NOTCH2NLB: variants seen among roughly 807,000 people sequenced by gnomAD.
NOTCH2NLB encodes notch homolog 2 N-terminal-like protein B.
In NOTCH2NLB, 1 loss-of-function variant was observed where a neutral mutation model predicts 14.8. The observed-to-expected ratio is 0.07, with a 90% CI of 0.02 to 0.32. NOTCH2NLB has a LOEUF of 0.32. NOTCH2NLB is among the 10% of genes least tolerant of loss of function. NOTCH2NLB has a pLI of 1.00. For synonymous variants in NOTCH2NLB, 6 were observed against 57.5 expected (o/e 0.10, Z 4.05); for missense variants, 11 against 155.0 (o/e 0.07, Z 4.93).
rs1197455322 is a variant in NOTCH2NLB, at chr1:148,649,703, A to G, written c.4-9614T>C. The stretch of plus-strand genomic sequence containing the variant: ...TTTTTTTTGTATTTTTAGTAGAGAC[A>G]GGGTTTCACCGTGTTAGCCAGGATG... On this transcript the variant is annotated intron_variant, in intron 1 of 4. Transcript: ENST00000593495. Among the ~76,000 whole-genome samples, 12 of 148,592 alleles carry G rather than the reference A, an allele frequency of 8.1e-5. No homozygotes were observed. The East Asian group carries it at 2.0e-3, about 25-fold the overall frequency.
chr1:148,684,959 C>A, the NOTCH2NLB span, among the ~76,000 whole-genome samples: 42 of 136,218 alleles, frequency 3.1e-4, no homozygotes, highest in African/African-American at 1.0e-3. Context: ...AGAAATTTCA[C>A]ATCTTCTGCT....
At chr1:148,661,605 C>G (rs1418211978) in intron 1 of NOTCH2NLB, among the ~76,000 whole-genome samples, 1 of 149,996 alleles carries the variant, frequency 6.7e-6, no homozygotes, top group East Asian at 1.9e-4. Flanking sequence ...AAGCTCTTCT[C>G]AGGATGGTGG....
At chr1:148,645,763 C>T (rs1483393254) in intron 1 of NOTCH2NLB, among the ~76,000 whole-genome samples, 16,854 of 147,664 alleles carry the variant, frequency 0.11, 471 homozygotes, top group African/African-American at 0.26. Context: ...ACAGGGCCAC[C>T]CCCCCACCCA....
In NOTCH2NLB at chr1:148,638,517, T is replaced by C. The variant is rs1445451612; in HGVS notation, c.77+1499A>G. ...AGGTATTAAGTTCCCTCCCTTATTA[T>C]CTCCAGTTGTATCTCCATTCTTAGA... On this transcript the variant is annotated intron_variant, in intron 2 of 4. Coordinates refer to ENST00000593495, the Ensembl canonical transcript of NOTCH2NLB. 1.3e-5 allele frequency among the ~76,000 whole-genome samples: 2 copies of C among 149,044 alleles called. 1 individual carries two copies. The highest frequency in any genetic ancestry group is 3.0e-5 in the Non-Finnish European group (2 of 67,234).
chr1:148,670,539 A>ATATATATATATACAC (rs1553341886), intron 1 of NOTCH2NLB, among the ~76,000 whole-genome samples: 1 of 93,482 alleles, frequency 1.1e-5, no homozygotes, highest in African/African-American at 4.3e-5. Flanking sequence ...TAAAAAAAAA[A>ATATATATATATACAC]ATATATATAT....
At chr1:148,704,407 G>A in the NOTCH2NLB span, among the ~76,000 whole-genome samples, 3 of 23,682 alleles carry the variant, frequency 1.3e-4, 1 homozygote, top group Non-Finnish European at 2.0e-4. Context: ...AGCACAGGTC[G>A]GCCAAAAGTT....
At chr1:148,637,482 C>T (rs1664231941) in intron 2 of NOTCH2NLB, among the ~76,000 whole-genome samples, 1 of 143,468 alleles carries the variant, frequency 7.0e-6, no homozygotes. Context: ...TGAAATTCTC[C>T]ATATATAAGT....
At chr1:148,637,507 A>T (rs1465959816) in intron 2 of NOTCH2NLB, among the ~76,000 whole-genome samples, 1 of 145,924 alleles carries the variant, frequency 6.9e-6, no homozygotes, top group Non-Finnish European at 1.5e-5. Context: ...AAGTTGAATG[A>T]TCTTCAAATA....
At chr1:148,712,427 C>T in the NOTCH2NLB span, among the ~76,000 whole-genome samples, 133 of 152,270 alleles carry the variant, frequency 8.7e-4, no homozygotes, top group South Asian at 0.015. Flanking sequence ...CAGCAACTTA[C>T]CAGCTGCATT....
chr1:148,645,717 C>T lies in NOTCH2NLB; in HGVS notation c.4-5628G>A, dbSNP rs1438396300. On this transcript the variant is annotated intron_variant, in intron 1 of 4. Coordinates refer to ENST00000593495, the Ensembl canonical transcript of NOTCH2NLB. ...TCAAGGCCCAGTTCACCTCTTGCCT[C>T]ACCCAGAAAGCTTCCCCTGGAGGGT... 2.7e-5 allele frequency among the ~76,000 whole-genome samples: 4 copies of T among 150,440 alleles called. No individual in the cohort carries two copies. The East Asian group carries it at 7.7e-4, about 29-fold the overall frequency.
the NOTCH2NLB span, among the ~76,000 whole-genome samples, chr1:148,708,072 TA>T: frequency 1.6e-5 from 1 of 64,460 alleles, no homozygotes; most frequent in African/African-American, 7.4e-5. Flanking sequence ...AAGAGGCAAC[TA>T]TATATATATA....
the NOTCH2NLB span, among the ~76,000 whole-genome samples, chr1:148,701,251 G>A: frequency 8.5e-6 from 1 of 117,918 alleles, no homozygotes; most frequent in Non-Finnish European, 1.8e-5. Context: ...GCCCTAATTA[G>A]ATAAAGCTAT....
chr1:148,673,718 C>T (rs1664797021), intron 1 of NOTCH2NLB, among the ~76,000 whole-genome samples: 1 of 151,402 alleles, frequency 6.6e-6, no homozygotes, highest in Admixed American at 6.6e-5. Context: ...AAGTGGCCAG[C>T]AAGTAGGAGG....
At chr1:148,627,723 CT>C (rs1223322172) in intron 2 of NOTCH2NLB, among the ~76,000 whole-genome samples, 1 of 151,456 alleles carries the variant, frequency 6.6e-6, no homozygotes, top group African/African-American at 2.4e-5. Flanking sequence ...TTGACACCCC[CT>C]CTGTTCTTAT....
Position 148,621,759 on chromosome 1 carries a change from T to C in NOTCH2NLB, c.78-5809A>G. ...CTTCAAGAATCTGAAGATAGTTATG[T>C]GGGCCTTTTGTTTTCTTTTTTCCAG... On this transcript the variant is annotated intron_variant, in intron 2 of 4. Transcript: ENST00000593495. Among the ~76,000 whole-genome samples, 2 of 104,770 alleles carry C rather than the reference T, an allele frequency of 1.9e-5. 1 individual carries two copies. The highest frequency in any genetic ancestry group is 7.9e-4 in the South Asian group (2 of 2,544). The allele number at this position is 104,770 out of a possible 152,430, so 68.7% of individuals were successfully genotyped here. A position where few individuals can be genotyped will look rare whatever the true frequency, so the allele number is the denominator to read the frequency against.
Position 148,623,947 on chromosome 1 carries a change from T to C in NOTCH2NLB, c.78-7997A>G, listed in dbSNP as rs1663939366. 2.3e-5 allele frequency among the ~76,000 whole-genome samples: 2 copies of C among 87,096 alleles called. 1 individual carries two copies. The highest frequency in any genetic ancestry group is 2.2e-4 in the African/African-American group (2 of 9,134). The allele number at this position is 87,096 out of a possible 152,430, so 57.1% of individuals were successfully genotyped here. On this transcript the variant is annotated intron_variant, in intron 2 of 4. Coordinates refer to ENST00000593495, the Ensembl canonical transcript of NOTCH2NLB. ...AGAATAACAGGCCAAATCAACCTAA[T>C]AGTCACCCTGAGGTATAGAATTATC...
intron 1 of NOTCH2NLB, among the ~76,000 whole-genome samples, chr1:148,661,695 A>G (rs1664691399): frequency 5.5e-5 from 8 of 146,490 alleles, no homozygotes; most frequent in Admixed American, 5.4e-4. Context: ...TTGATGTGCT[A>G]GATAAAAGTG....
At chr1:148,675,875 A>AG (rs1185567122) in intron 1 of NOTCH2NLB, among the ~76,000 whole-genome samples, 3 of 58,190 alleles carry the variant, frequency 5.2e-5, no homozygotes, top group East Asian at 5.3e-4. Context: ...TTGCAGAGAA[A>AG]GGGGGGGAAA....
rs1156615359 is a variant in NOTCH2NLB, at chr1:148,625,339, CTT to C, written c.78-9391_78-9390del. ...GGCTTTGCTGCAGCTCTGTCTTTAG[CTT>C]TTTTTTTTTTTTTTTTTTAAAACGA... On this transcript the variant is annotated intron_variant, in intron 2 of 4. Coordinates refer to ENST00000593495, the Ensembl canonical transcript of NOTCH2NLB. Among the ~76,000 whole-genome samples, 25 of 59,848 alleles carry C rather than the reference CTT, an allele frequency of 4.2e-4. 3 individuals are homozygous for C. The highest frequency in any genetic ancestry group is 1.1e-3 in the African/African-American group (14 of 12,990). The allele number at this position is 59,848 out of a possible 152,430, so 39.3% of individuals were successfully genotyped here.
Sources: allele counts gnomAD v4.1 joint callset (sites outside exome capture counted in the v4.1 genomes callset), GRCh38; gene constraint gnomAD v4.1.1; transcripts MANE v1.5; gene names NCBI Gene and HGNC (gene_info 2026-07-23, HGNC 2026-07-21).